Variants in ESRRG observed in about 807,000 individuals in gnomAD.
ESRRG encodes the protein estrogen-related receptor gamma.
Under a neutral mutation model 44.0 loss-of-function variants are expected in ESRRG, and 13 were observed. The ratio of observed to expected loss-of-function variants is 0.30; its 90% CI spans 0.19 to 0.47. ESRRG has a LOEUF of 0.47. Ranked by LOEUF, ESRRG falls within the 20% of genes least tolerant of loss-of-function variation. The pLI is 1.00. For synonymous variants in ESRRG, 215 were observed against 214.6 expected, an observed-to-expected ratio of 1.00 and a Z score of -0.02; for missense variants, 395 against 580.6, an observed-to-expected ratio of 0.68 and a Z score of 3.29.
At chr1:216,864,398 T>C (rs2096112090) in intron 2 of ESRRG, 1 of 150,728 alleles carries the variant, frequency 6.6e-6, no homozygotes, top group African/African-American at 2.4e-5. Context: ...AGGAGGTCAA[T>C]GCTGTTTGGA....
At chr1:216,832,537 C>T (rs1223136092) in intron 2 of ESRRG, among the ~76,000 whole-genome samples, 1 of 152,160 alleles carries the variant, frequency 6.6e-6, no homozygotes, top group African/African-American at 2.4e-5. Context: ...CAACTCTGAA[C>T]GAAACCCTGC....
At chr1:216,873,926 G>GGGAAT (rs2096301384) in intron 2 of ESRRG, among the ~76,000 whole-genome samples, 1 of 105,714 alleles carries the variant, frequency 9.5e-6, no homozygotes, top group African/African-American at 3.6e-5. Context: ...GGGAAGGGAA[G>GGGAAT]GGAAGGGAAG....
At chr1:216,520,438 GA>G (rs2045739789) in intron 5 of ESRRG, among the ~76,000 whole-genome samples, 2 of 151,898 alleles carry the variant, frequency 1.3e-5, no homozygotes, top group Admixed American at 6.6e-5. Flanking sequence ...CTGAGCTTGA[GA>G]AAACATATGC....
intron 1 of ESRRG, among the ~76,000 whole-genome samples, chr1:216,700,682 C>T (rs2081231731): frequency 6.6e-6 from 1 of 152,210 alleles, no homozygotes; most frequent in African/African-American, 2.4e-5. Context: ...ATGAGAACCT[C>T]TTCAAATATC....
intron 2 of ESRRG, among the ~76,000 whole-genome samples, chr1:216,744,350 T>C (rs1338235072): frequency 6.6e-6 from 1 of 152,154 alleles, no homozygotes; most frequent in Non-Finnish European, 1.5e-5. Flanking sequence ...ACAGGAGAAA[T>C]GCAAGCCCAT....
intron 3 of ESRRG, among the ~76,000 whole-genome samples, chr1:216,612,703 C>T (rs2150337282): frequency 6.6e-6 from 1 of 152,252 alleles, no homozygotes; most frequent in Non-Finnish European, 1.5e-5. Context: ...CTCAAAATCC[C>T]ACAATAAAAA....
At chr1:217,121,556 C>T (rs191989248) in intron 1 of ESRRG, among the ~76,000 whole-genome samples, 114 of 152,028 alleles carry the variant, frequency 7.5e-4, no homozygotes, top group African/African-American at 2.6e-3. Flanking sequence ...TTAAGTGAAG[C>T]GGGCAGTTTC....
At chr1:216,725,655 A>AG (rs2087362119), upstream of ESRRG, among the ~76,000 whole-genome samples, 1 of 152,160 alleles carries the variant, frequency 6.6e-6, no homozygotes, top group Non-Finnish European at 1.5e-5. Flanking sequence ...TTCTCAGGGT[A>AG]ATTAATAGAT....
At chr1:216,735,534 C>T (rs2089712035) in intron 2 of ESRRG, among the ~76,000 whole-genome samples, 1 of 152,082 alleles carries the variant, frequency 6.6e-6, no homozygotes, top group African/African-American at 2.4e-5. Context: ...CAAGGTTGTG[C>T]AGCAATGGCA....
chr1:216,639,434 C>T (rs1259148500), intron 3 of ESRRG, among the ~76,000 whole-genome samples: 1 of 152,178 alleles, frequency 6.6e-6, no homozygotes, highest in Non-Finnish European at 1.5e-5. Flanking sequence ...AAAACACTTA[C>T]AGCTGAGAAC....
chr1:216,866,975 C>T (rs2149164367), intron 2 of ESRRG, among the ~76,000 whole-genome samples: 1 of 152,208 alleles, frequency 6.6e-6, no homozygotes, highest in South Asian at 2.1e-4. Flanking sequence ...TCATTTTCTT[C>T]ATCAGTCTTC....
chr1:216,886,721 C>A (rs1283615719), intron 2 of ESRRG, among the ~76,000 whole-genome samples: 1 of 151,974 alleles, frequency 6.6e-6, no homozygotes, highest in Non-Finnish European at 1.5e-5. Flanking sequence ...TGCTTTCTTT[C>A]TTTCTATTTA....
At chr1:217,066,497 T>C (rs2089719851) in intron 1 of ESRRG, among the ~76,000 whole-genome samples, 1 of 151,584 alleles carries the variant, frequency 6.6e-6, no homozygotes, top group Admixed American at 6.6e-5. Flanking sequence ...TGCCTCGGCC[T>C]CCCAGAGTGC....
At chr1:217,049,624 G>A (rs2085538719) in intron 1 of ESRRG, among the ~76,000 whole-genome samples, 1 of 152,188 alleles carries the variant, frequency 6.6e-6, no homozygotes, top group South Asian at 2.1e-4. Context: ...AAGATCTAGA[G>A]GTGAGTGTAG....
intron 1 of ESRRG, chr1:216,714,435 C>A: frequency 4.9e-6 from 1 of 202,330 alleles, no homozygotes; most frequent in Non-Finnish European, 8.8e-6. Flanking sequence ...TCCCCCCACA[C>A]TTCAGGTTAT....
intron 1 of ESRRG, among the ~76,000 whole-genome samples, chr1:216,678,352 A>T (rs149424092): frequency 0.011 from 1,614 of 152,358 alleles, 14 homozygotes; most frequent in Middle Eastern, 0.02. Flanking sequence ...CTGTAAGTCC[A>T]CAAATCTGAT....
At chr1:216,918,052 G>A (rs539239400) in intron 2 of ESRRG, among the ~76,000 whole-genome samples, 5 of 152,176 alleles carry the variant, frequency 3.3e-5, no homozygotes, top group South Asian at 4.1e-4. Flanking sequence ...ATGTCAAAAC[G>A]CCTTTTATGT....
Position 216,708,117 on chromosome 1 carries a change from A to G in ESRRG, c.56+15127T>C, listed in dbSNP as rs529066386. Among the ~76,000 whole-genome samples the G allele has an allele frequency of 2.1e-3, 314 of 152,302 alleles. 1 individual carries two copies. Among genetic ancestry groups the G allele is most frequent in the African/African-American group, 7.3e-3 (305 of 41,580 alleles). ...TCATAATGATTTGAATATTCTTGGT[A>G]TATTCAACGTGTGTTAAGACAGTCG... On this transcript the variant is annotated intron_variant, in intron 1 of 6. Transcript: ENST00000408911.
At chr1:217,094,115 C>T (rs1453674365), upstream of ESRRG, among the ~76,000 whole-genome samples, 1 of 152,020 alleles carries the variant, frequency 6.6e-6, no homozygotes, top group African/African-American at 2.4e-5. Flanking sequence ...AAACTCCTGG[C>T]CTCAGGCAAT....
Sources: allele counts gnomAD v4.1 joint callset (sites outside exome capture counted in the v4.1 genomes callset), GRCh38; gene constraint gnomAD v4.1.1; transcripts MANE v1.5; gene names NCBI Gene and HGNC (gene_info 2026-07-23, HGNC 2026-07-21).